The following CD163 variants were observed in gnomAD, a reference collection of about 807,000 sequenced individuals.
The protein encoded by CD163 is CD163 molecule, also known as scavenger receptor cysteine-rich type 1 protein M130.
CD163 carries 64 observed loss-of-function variants against 129.2 expected under a neutral mutation model. That is an observed-to-expected ratio of 0.50 (90% CI 0.41 to 0.61). The LOEUF (loss-of-function observed/expected upper bound fraction) is 0.61, where lower values mean the gene tolerates loss of function less well. Ranked by LOEUF, CD163 falls within the 20% of genes least tolerant of loss-of-function variation. The pLI is 0.00. For synonymous variants in CD163, 446 were observed against 478.5 expected, an observed-to-expected ratio of 0.93 and a Z score of 0.89; for missense variants, 1,061 against 1,377.9, an observed-to-expected ratio of 0.77 and a Z score of 3.64.
intron 15 of CD163, chr12:7,480,295 G>A (rs1487860543): frequency 4.3e-6 from 1 of 231,466 alleles, no homozygotes; most frequent in Non-Finnish European, 8.3e-6. Flanking sequence ...TGGGTTTTGG[G>A]ATATTTCTTC....
At position 7,496,028 on chromosome 12, in the gene CD163, AT is replaced by A. The variant is rs1203347302; in HGVS notation, c.1100-628del. ...CTACTATAAAGACACATGCACATGT[AT>A]GTTTATTGCAGCACTATCTACAATA... On this transcript the variant is annotated intron_variant, in intron 5 of 16. Transcript: ENST00000432237. This position sits in a 1 kb window ranked among gnomAD's most constrained non-coding sequence, Gnocchi z 4.8. 1.3e-5 allele frequency among the ~76,000 whole-genome samples: 2 copies of A among 152,236 alleles called. No individual in the cohort carries two copies. The highest frequency in any genetic ancestry group is 2.9e-5 in the Non-Finnish European group (2 of 68,046).
intron 16 of CD163, among the ~76,000 whole-genome samples, chr12:7,472,261 C>T (rs1201931780): frequency 6.6e-6 from 1 of 152,194 alleles, no homozygotes; most frequent in East Asian, 1.9e-4. Flanking sequence ...TCCCTGACCC[C>T]CATGCCTAGT....
chr12:7,501,009 T>C, intron 3 of CD163, 130 bp downstream of exon 3: 1 of 731,110 alleles, frequency 1.4e-6, no homozygotes. Context: ...TTTCTAGCAA[T>C]GGATGGAGTA....
intron 16 of CD163, among the ~76,000 whole-genome samples, chr12:7,477,585 C>T (rs374810911): frequency 8.7e-4 from 132 of 151,774 alleles, no homozygotes; most frequent in African/African-American, 2.1e-3. Flanking sequence ...GGGCCTGCTG[C>T]GGGGTGGGGG....
rs760546210 is a variant in CD163, at chr12:7,499,030, C to A, written c.616G>T (p.Val206Phe). The A allele has an allele frequency of 6.2e-7, 1 of 1,614,156 alleles. No individual in the cohort carries two copies. The highest frequency in any genetic ancestry group is 1.7e-5 in the Admixed American group (1 of 60,026). The change falls in exon 4 of 17, where the codon GTC becomes TTC. Residue 206 changes from valine to phenylalanine, a missense_variant. Val to Phe is a conservative substitution (Grantham distance 50). Transcript: ENST00000432237. ...AAATTAGATGAACCAGAGAAACTGA[C>A]AGCACTTCCACATTCAAGTTGTCTA... Reference protein sequence around the residue: ...ICRQLECGSAVSFSGSSNFGE... With the variant: ...ICRQLECGSAFSFSGSSNFGE...
intron 16 of CD163, among the ~76,000 whole-genome samples, chr12:7,476,260 A>T (rs1444658923): frequency 6.6e-6 from 1 of 152,198 alleles, no homozygotes; most frequent in Non-Finnish European, 1.5e-5. Flanking sequence ...ATGGAACAAA[A>T]ATAGAGCCTG....
intron 3 of CD163, 45 bp from the exon 4 acceptor site, chr12:7,499,233 G>C: frequency 1.3e-6 from 2 of 1,508,706 alleles, no homozygotes; most frequent in Non-Finnish European, 1.8e-6. Flanking sequence ...CATTCATTTA[G>C]AAGTGATTTT....
rs1350984804 is a variant in CD163 at position 7,499,161 on chromosome 12, G to A, written c.485C>T (p.Thr162Met). The change falls in exon 4 of 17, where the codon ACG becomes ATG. Residue 162 changes from threonine to methionine, a missense_variant. Coordinates refer to ENST00000432237, the MANE Select transcript of CD163 (RefSeq NM_203416.4). ...TCCAGAACACATATTCCCTCCACGC[G>A]TCAGCCTCATTTCCAAATTGGATCC... Reference protein sequence around the residue: ...SDGSNLEMRLTRGGNMCSGRI... With the variant: ...SDGSNLEMRLMRGGNMCSGRI... 3 of 1,611,762 alleles carry A rather than the reference G, an allele frequency of 1.9e-6. No individual in the cohort carries two copies. Among genetic ancestry groups the A allele is most frequent in the Admixed American group, 1.7e-5 (1 of 59,978 alleles).
In CD163 at chr12:7,487,924, C is replaced by A. The variant is rs781435043; in HGVS notation, c.1584G>T (p.Leu528=). The change falls in exon 7 of 17, where the codon CTG becomes CTT. Residue 528 remains leucine, a synonymous_variant. Transcript: ENST00000432237. The surrounding 1 kb of genome is among the most constrained non-coding windows in gnomAD (Gnocchi z 5.1). Reference sequence around the variant, plus strand: ...TTCCCTCTCCAAAGTGAGCTCCCCCCAGGATAGAGACAACTGTGCCACACT... The same window carrying A: ...TTCCCTCTCCAAAGTGAGCTCCCCCAAGGATAGAGACAACTGTGCCACACT... ...ELQCGTVVSI[L]GGAHFGEGNG... is the part of the protein sequence containing the mutation. The A allele has an allele frequency of 2.5e-6, 4 of 1,614,050 alleles. No individual in the cohort carries two copies. The highest frequency in any genetic ancestry group is 1.1e-5 in the South Asian group (1 of 91,076).
Position 7,499,151 on chromosome 12 carries a change from C to G in CD163, c.495G>C (p.Gly165=), listed in dbSNP as rs766179361. 6.2e-7 allele frequency: 1 copy of G among 1,613,430 alleles called. No homozygotes were observed. The highest frequency in any genetic ancestry group is 2.2e-5 in the East Asian group (1 of 44,868). The change falls in exon 4 of 17, where the codon GGG becomes GGC. Residue 165 remains glycine (G), a synonymous_variant. Transcript: ENST00000432237. The stretch of plus-strand genomic sequence containing the variant: ...TCTCTATTCTTCCAGAACACATATT[C>G]CCTCCACGCGTCAGCCTCATTTCCA... ...SNLEMRLTRG[G]NMCSGRIEIK...
rs905332718 is a variant in CD163, at chr12:7,487,300, T to G, written c.2050+59A>C. On this transcript the variant is annotated intron_variant, in intron 8 of 16. Transcript: ENST00000432237. This position sits in a 1 kb window ranked among gnomAD's most constrained non-coding sequence, Gnocchi z 5.1. ...GGATCACTGCGTTTTACTTTTGTTC[T>G]TCATCCCTATGTACACCTTCTCTTA... The G allele has an allele frequency of 1.3e-6, 2 of 1,500,056 alleles. No homozygotes were observed. The highest frequency in any genetic ancestry group is 4.7e-5 in the Admixed American group (2 of 42,486). 92.9% of individuals were successfully genotyped at this position (1,500,056 alleles called of 1,614,324 possible). A position where few individuals can be genotyped will look rare whatever the true frequency, so the allele number is the denominator to read the frequency against.
rs1220596609 is a variant in CD163 at position 7,487,161 on chromosome 12, CT to C, written c.2051-176del. On this transcript the variant is annotated intron_variant, in intron 8 of 16. Coordinates refer to ENST00000432237, the MANE Select transcript of CD163 (RefSeq NM_203416.4). This position sits in a 1 kb window ranked among gnomAD's most constrained non-coding sequence, Gnocchi z 5.1. The stretch of plus-strand genomic sequence containing the variant: ...AGATGGGCTTGGCACATAGTAAGCA[CT>C]GGATAACTAAGAAGTCCATCAAAAT... 6.6e-6 allele frequency among the ~76,000 whole-genome samples: 1 copy of C among 152,268 alleles called. No individual in the cohort carries two copies. Among genetic ancestry groups the C allele is most frequent in the Middle Eastern group, 3.4e-3 (1 of 294 alleles).
chr12:7,497,833 T>G (rs1038356850), intron 4 of CD163, among the ~76,000 whole-genome samples: 13 of 152,188 alleles, frequency 8.5e-5, no homozygotes, highest in Admixed American at 7.9e-4. Context: ...TAAAAGAGAA[T>G]GGAAGGTACA....
Position 7,497,020 on chromosome 12 carries a change from A to C in CD163, c.892T>G (p.Tyr298Asp). Residue 298 changes from tyrosine (Y) to aspartate (D), a missense_variant, in exon 5 of 17, where the codon TAC (tyrosine) becomes GAC (aspartate). Physicochemically the swap from Tyr to Asp is radical, Grantham distance 160. Transcript: ENST00000432237. ...TGCTTGCATGCCACAGCAGCATCGT[A>C]ACTGTCCCAGCCGTCATCACATATT... ...GTICDDGWDS[Y>D]DAAVACKQLG... 6.2e-7 allele frequency: 1 copy of C among 1,614,064 alleles called. No individual in the cohort carries two copies. Among genetic ancestry groups the C allele is most frequent in the Non-Finnish European group, 8.5e-7 (1 of 1,179,990 alleles).
Position 7,495,414 on chromosome 12 carries a change from C to A in CD163, c.1100-13G>T. 1 of 1,610,728 alleles carries A rather than the reference C, an allele frequency of 6.2e-7. No homozygotes were observed. The highest frequency in any genetic ancestry group is 1.3e-5 in the African/African-American group (1 of 74,944). ...AGATCTGATCCATCTGCAAAAGAAA[C>A]ATAAACTTAAACCATCGATACATAT... On this transcript the variant is annotated splice_polypyrimidine_tract_variant and intron_variant, in intron 5 of 16. Transcript: ENST00000432237.
At chr12:7,498,714 A>G (rs1949436474) in intron 4 of CD163, among the ~76,000 whole-genome samples, 154 bp downstream of exon 4, 1 of 152,172 alleles carries the variant, frequency 6.6e-6, no homozygotes, top group Admixed American at 6.6e-5. Context: ...TAAAAAGTCC[A>G]CAGGTATCAG....
intron 16 of CD163, among the ~76,000 whole-genome samples, chr12:7,478,566 A>G (rs1949118676): frequency 1.3e-5 from 2 of 152,162 alleles, no homozygotes; most frequent in African/African-American, 4.8e-5. Flanking sequence ...ATTCACATAT[A>G]TTAACCCTTT....
Position 7,487,099 on chromosome 12 carries a change from G to A in CD163, c.2051-113C>T. 1 of 869,352 alleles carries A rather than the reference G, an allele frequency of 1.2e-6. No homozygotes were observed. The allele number at this position is 869,352 out of a possible 1,614,324, so 53.9% of individuals were successfully genotyped here. On this transcript the variant is annotated intron_variant, in intron 8 of 16. Coordinates refer to ENST00000432237, the MANE Select transcript of CD163 (RefSeq NM_203416.4). This position sits in a 1 kb window ranked among gnomAD's most constrained non-coding sequence, Gnocchi z 5.1. ...ATAGCTTAGAGAGAGAGGGGAAGGTGGATGGTCAACAAGTTTGAAATAAAT... is the reference window on the plus strand; with the variant it reads ...ATAGCTTAGAGAGAGAGGGGAAGGTAGATGGTCAACAAGTTTGAAATAAAT...
intron 16 of CD163, chr12:7,471,862 T>TA (rs1949010190): frequency 6.6e-6 from 1 of 152,238 alleles, no homozygotes; most frequent in Admixed American, 6.5e-5. Flanking sequence ...TTCTCGATGC[T>TA]AGCACTGCAG....
Sources: gnomAD v4.1 joint callset for allele counts (sites outside exome capture counted in the v4.1 genomes callset) on GRCh38, gnomAD v4.1.1 for gene constraint, Gnocchi (gnomAD v3.1) non-coding constraint, MANE v1.5 for transcripts, NCBI Gene and HGNC (gene_info 2026-07-23, HGNC 2026-07-21) for gene names.